LRRC7: variants seen among roughly 807,000 people sequenced by gnomAD.
LRRC7 encodes leucine rich repeat containing 7, also known as leucine-rich repeat-containing protein 7.
LRRC7 carries 23 observed loss-of-function variants against 175.7 expected under a neutral mutation model. The ratio of observed to expected loss-of-function variants is 0.13; its 90% CI spans 0.09 to 0.19. The LOEUF (loss-of-function observed/expected upper bound fraction) is 0.19. LRRC7 is among the 10% of genes least tolerant of loss of function. The pLI is 1.00. For missense variants in LRRC7, 1,354 were observed against 1,904.7 expected (o/e 0.71, Z 5.38); for synonymous variants, 685 against 680.9 (o/e 1.01, Z -0.09).
At chr1:69,944,160 C>A (rs1389802764) in intron 8 of LRRC7, among the ~76,000 whole-genome samples, 1 of 152,080 alleles carries the variant, frequency 6.6e-6, no homozygotes, top group Non-Finnish European at 1.5e-5. Flanking sequence ...CTGGAACCAC[C>A]ATTCTGCTTT....
chr1:69,679,484 AC>A (rs1306824456), intron 2 of LRRC7, among the ~76,000 whole-genome samples: 1 of 152,110 alleles, frequency 6.6e-6, no homozygotes, highest in Non-Finnish European at 1.5e-5. Flanking sequence ...AGATAACCTT[AC>A]TGAGCTGACA....
At chr1:69,994,731 C>A in intron 11 of LRRC7, 98 bp downstream of exon 11, 1 of 721,032 alleles carries the variant, frequency 1.4e-6, no homozygotes, top group Non-Finnish European at 2.3e-6. Context: ...CTAAAGATAC[C>A]AATAATCCTG....
At chr1:69,853,243 C>G (rs1457273691) in intron 7 of LRRC7, among the ~76,000 whole-genome samples, 10 of 141,742 alleles carry the variant, frequency 7.1e-5, no homozygotes, top group African/African-American at 2.3e-4. Context: ...TTAGCACCTT[C>G]CATTTGTTTC....
At chr1:70,120,717 A>G (rs1295026120) in intron 26 of LRRC7, among the ~76,000 whole-genome samples, 1 of 152,076 alleles carries the variant, frequency 6.6e-6, no homozygotes, top group East Asian at 1.9e-4. Context: ...GAAGAAGTCA[A>G]CCAGTGAACT....
At chr1:69,596,677 A>G (rs1370221578) in intron 1 of LRRC7, among the ~76,000 whole-genome samples, 1 of 152,248 alleles carries the variant, frequency 6.6e-6, no homozygotes, top group Non-Finnish European at 1.5e-5. Context: ...AGATTTAGCT[A>G]AAAGCTAAAT....
At chr1:69,965,333 T>C (rs929765972) in intron 8 of LRRC7, among the ~76,000 whole-genome samples, 5 of 152,202 alleles carry the variant, frequency 3.3e-5, no homozygotes, top group Non-Finnish European at 5.9e-5. Flanking sequence ...TCGTGTATTG[T>C]CATTCCCTCC....
chr1:69,842,441 A>G (rs1447954918), intron 7 of LRRC7, among the ~76,000 whole-genome samples: 1 of 152,160 alleles, frequency 6.6e-6, no homozygotes, highest in Non-Finnish European at 1.5e-5. Context: ...ATGAAGTAAT[A>G]TGAAGAAAAA....
chr1:69,692,011 T>C (rs940686033), intron 2 of LRRC7, among the ~76,000 whole-genome samples: 11 of 152,134 alleles, frequency 7.2e-5, no homozygotes, highest in Non-Finnish European at 1.5e-4. Flanking sequence ...TTATTACTTA[T>C]AAAGGCTAGA....
intron 25 of LRRC7, among the ~76,000 whole-genome samples, chr1:70,102,139 C>G (rs1664845214): frequency 6.6e-6 from 1 of 152,174 alleles, no homozygotes; most frequent in Non-Finnish European, 1.5e-5. Flanking sequence ...AGGGTTGATA[C>G]TCCTGACTTG....
intron 7 of LRRC7, among the ~76,000 whole-genome samples, chr1:69,877,380 G>C (rs556412315): frequency 2.0e-5 from 3 of 152,100 alleles, no homozygotes; most frequent in Admixed American, 1.3e-4. Context: ...TTGAGGCCAA[G>C]AGTTTGAGGC....
At chr1:70,035,290 C>T (rs1039387492) in intron 18 of LRRC7, among the ~76,000 whole-genome samples, 27 of 152,042 alleles carry the variant, frequency 1.8e-4, no homozygotes, top group African/African-American at 6.5e-4. Context: ...GGTATTTTAC[C>T]TTCCCCTAAT....
intron 16 of LRRC7, 194 bp downstream of exon 16, chr1:70,021,323 G>C: frequency 2.3e-6 from 1 of 437,002 alleles, no homozygotes. Flanking sequence ...AAATCTGAGT[G>C]AGCAAATTTG....
chr1:70,104,012 A>G (rs1407445611), intron 25 of LRRC7, among the ~76,000 whole-genome samples: 3 of 152,230 alleles, frequency 2.0e-5, no homozygotes, highest in Admixed American at 1.3e-4. Context: ...CAAATGTTAT[A>G]AGAAACTGAA....
chr1:69,792,397 T>C (rs921907320), intron 4 of LRRC7, among the ~76,000 whole-genome samples: 5 of 152,032 alleles, frequency 3.3e-5, no homozygotes, highest in Admixed American at 3.3e-4. Flanking sequence ...CATTCAGACA[T>C]GTGATCTAAT....
rs937239379 is a variant in LRRC7, at chr1:70,125,139, G to C, written c.*3252G>C. ...GCATTTTTGACAAGGAATATTCAAA[G>C]TCAGTATGAAATAAAACATTATGCT... On this transcript the variant is annotated 3_prime_UTR_variant, in exon 27 of 27. Coordinates refer to ENST00000651989, the MANE Select transcript of LRRC7 (RefSeq NM_001370785.2). 1.3e-5 allele frequency among the ~76,000 whole-genome samples: 2 copies of C among 152,172 alleles called. No homozygotes were observed. The highest frequency in any genetic ancestry group is 1.3e-4 in the Admixed American group (2 of 15,286).
At chr1:69,659,248 G>A (rs1037618448) in intron 1 of LRRC7, among the ~76,000 whole-genome samples, 22 of 152,038 alleles carry the variant, frequency 1.4e-4, no homozygotes, top group African/African-American at 4.8e-4. Context: ...GAGCAGAATG[G>A]AGAAGAGAGA....
At chr1:69,889,280 T>A (rs1645758065) in intron 7 of LRRC7, among the ~76,000 whole-genome samples, 1 of 152,160 alleles carries the variant, frequency 6.6e-6, no homozygotes, top group Admixed American at 6.5e-5. Context: ...TGACTCTTCC[T>A]TTCATGAAAG....
intron 21 of LRRC7, among the ~76,000 whole-genome samples, chr1:70,042,241 G>T (rs1280125118): frequency 6.6e-6 from 1 of 152,176 alleles, no homozygotes; most frequent in African/African-American, 2.4e-5. Context: ...TCAACAAGAT[G>T]AATTCAGGGT....
At chr1:69,943,354 CA>C (rs1648940656) in intron 8 of LRRC7, among the ~76,000 whole-genome samples, 1 of 152,008 alleles carries the variant, frequency 6.6e-6, no homozygotes, top group African/African-American at 2.4e-5. Context: ...AAGCCAGAAA[CA>C]AAAGGCCATG....
Sources: gnomAD v4.1 joint callset for allele counts (sites outside exome capture counted in the v4.1 genomes callset) on GRCh38, gnomAD v4.1.1 for gene constraint, MANE v1.5 for transcripts, NCBI Gene and HGNC (gene_info 2026-07-23, HGNC 2026-07-21) for gene names.